CCDC171: variants seen among roughly 807,000 people sequenced by gnomAD.
The protein encoded by CCDC171 is coiled-coil domain-containing protein 171.
CCDC171 carries 177 observed loss-of-function variants against 168.2 expected under a neutral mutation model. The observed-to-expected ratio is 1.05, with a 90% CI of 0.93 to 1.19. CCDC171 has a LOEUF of 1.19. Among genes scored for constraint, CCDC171 ranks in the 50% most tolerant of loss-of-function variants. CCDC171 has a pLI of 0.00. For synonymous variants in CCDC171, 687 were observed against 540.8 expected (o/e 1.27, Z -3.75); for missense variants, 1,991 against 1,539.0 (o/e 1.29, Z -4.91).
chr9:15,970,818 G>A (rs1364907117), intron 25 of CCDC171, among the ~76,000 whole-genome samples: 3 of 152,050 alleles, frequency 2.0e-5, no homozygotes, highest in African/African-American at 7.2e-5. Context: ...TGGTATCATG[G>A]ACATAAAGAT....
chr9:15,885,355 T>A (rs533957528), intron 24 of CCDC171, among the ~76,000 whole-genome samples: 9 of 152,348 alleles, frequency 5.9e-5, no homozygotes, highest in Admixed American at 2.0e-4. Context: ...AGGCAAAAAC[T>A]AAATTCTAAA....
intron 25 of CCDC171, among the ~76,000 whole-genome samples, chr9:15,947,959 A>G (rs939293549): frequency 1.1e-4 from 17 of 151,594 alleles, no homozygotes; most frequent in South Asian, 4.2e-4. Context: ...ATATCTCCCA[A>G]TGCTATCCCT....
the CCDC171 span, among the ~76,000 whole-genome samples, chr9:16,077,621 C>T: frequency 6.6e-6 from 1 of 152,214 alleles, no homozygotes; most frequent in Non-Finnish European, 1.5e-5. Flanking sequence ...ACCCAACCCA[C>T]AGGTTGGAGC....
At chr9:15,849,689 A>C (rs2061045388) in intron 23 of CCDC171, among the ~76,000 whole-genome samples, 1 of 151,808 alleles carries the variant, frequency 6.6e-6, no homozygotes, top group Non-Finnish European at 1.5e-5. Context: ...AATTATTAGA[A>C]ATGCAAACAT....
At chr9:15,850,176 C>G (rs1230086862) in intron 23 of CCDC171, 1 of 151,690 alleles carries the variant, frequency 6.6e-6, no homozygotes, top group African/African-American at 2.4e-5. Context: ...CATGGCATAC[C>G]CTTTTATATA....
At chr9:15,658,433 A>G (rs1348447336) in intron 8 of CCDC171, among the ~76,000 whole-genome samples, 1 of 152,210 alleles carries the variant, frequency 6.6e-6, no homozygotes, top group East Asian at 1.9e-4. Flanking sequence ...GACTGTAGCA[A>G]TGGAAAAGAG....
At chr9:15,706,868 C>G (rs2052282854) in intron 11 of CCDC171, among the ~76,000 whole-genome samples, 1 of 152,142 alleles carries the variant, frequency 6.6e-6, no homozygotes, top group Admixed American at 6.6e-5. Context: ...AAAGCAGTAG[C>G]ATTTGATTCC....
intron 19 of CCDC171, 28 bp from the exon 20 acceptor site, chr9:15,778,940 T>G: frequency 7.0e-7 from 1 of 1,427,392 alleles, no homozygotes; most frequent in Non-Finnish European, 9.3e-7. Flanking sequence ...TAGTTACTGT[T>G]TATAAAATTG....
At chr9:15,694,660 C>G (rs2051076233) in intron 10 of CCDC171, among the ~76,000 whole-genome samples, 1 of 152,214 alleles carries the variant, frequency 6.6e-6, no homozygotes, top group African/African-American at 2.4e-5. Flanking sequence ...CCAGTTCAAT[C>G]CAGTCCAATC....
intron 24 of CCDC171, among the ~76,000 whole-genome samples, chr9:15,881,037 G>T (rs1204327222): frequency 6.6e-6 from 1 of 152,262 alleles, no homozygotes; most frequent in East Asian, 1.9e-4. Context: ...AATGTAAATT[G>T]TGCCAATGAG....
At chr9:15,605,312 A>G (rs1163107077) in intron 6 of CCDC171, among the ~76,000 whole-genome samples, 1 of 152,030 alleles carries the variant, frequency 6.6e-6, no homozygotes, top group Non-Finnish European at 1.5e-5. Context: ...TTTCTTCTGG[A>G]AAACTATGTA....
At chr9:15,717,714 T>A (rs927608959) in intron 11 of CCDC171, among the ~76,000 whole-genome samples, 7 of 152,140 alleles carry the variant, frequency 4.6e-5, no homozygotes, top group Non-Finnish European at 8.8e-5. Context: ...CCAGATGACA[T>A]TTCTAGACAC....
chr9:15,800,278 A>G (rs891020960), intron 21 of CCDC171, among the ~76,000 whole-genome samples: 8 of 151,900 alleles, frequency 5.3e-5, no homozygotes, highest in Non-Finnish European at 1.2e-4. Context: ...TCCATTTGTT[A>G]CTCCCTGTCT....
intron 18 of CCDC171, among the ~76,000 whole-genome samples, chr9:15,763,600 C>A (rs1279880447): frequency 2.6e-5 from 4 of 152,336 alleles, no homozygotes; most frequent in African/African-American, 9.6e-5. Context: ...TAGAGGTTAT[C>A]TCCCAGGAGC....
intron 3 of CCDC171, among the ~76,000 whole-genome samples, chr9:15,987,939 G>A (rs547839494): frequency 6.6e-6 from 1 of 152,202 alleles, no homozygotes; most frequent in African/African-American, 2.4e-5. Context: ...CTGAACCATT[G>A]GGAAAAAAGG....
chr9:15,769,305 G>T (rs1278258339), intron 18 of CCDC171, among the ~76,000 whole-genome samples: 1 of 152,148 alleles, frequency 6.6e-6, no homozygotes, highest in African/African-American at 2.4e-5. Flanking sequence ...CAGAGAGAGA[G>T]GGTCAAGAAT....
intron 23 of CCDC171, among the ~76,000 whole-genome samples, chr9:15,874,005 C>G (rs1304944296): frequency 6.6e-6 from 1 of 152,078 alleles, no homozygotes; most frequent in Admixed American, 6.6e-5. Flanking sequence ...AAAGGGCAAA[C>G]AAACCTCTTT....
At chr9:15,858,869 C>G (rs904033182) in intron 23 of CCDC171, among the ~76,000 whole-genome samples, 2 of 151,912 alleles carry the variant, frequency 1.3e-5, no homozygotes, top group African/African-American at 2.4e-5. Flanking sequence ...GTTTGGATGC[C>G]TATTACTTAT....
chr9:15,904,422 A>G (rs1822202144), intron 24 of CCDC171, among the ~76,000 whole-genome samples: 1 of 152,070 alleles, frequency 6.6e-6, no homozygotes, highest in Non-Finnish European at 1.5e-5. Flanking sequence ...CAGCCAAACT[A>G]AGCTTCATAA....
Sources: gnomAD v4.1 joint callset for allele counts (sites outside exome capture counted in the v4.1 genomes callset) on GRCh38, gnomAD v4.1.1 for gene constraint, MANE v1.5 for transcripts, NCBI Gene and HGNC (gene_info 2026-07-23, HGNC 2026-07-21) for gene names.